UBR4: variants seen among roughly 807,000 people sequenced by gnomAD.
The protein encoded by UBR4 is E3 ubiquitin-protein ligase UBR4.
A neutral mutation model predicts 575.6 loss-of-function variants in UBR4; 124 were observed. The observed-to-expected ratio is 0.22, with a 90% CI of 0.19 to 0.25. UBR4 has a LOEUF of 0.25. UBR4 is among the 10% of genes least tolerant of loss of function. UBR4 has a pLI of 1.00. For synonymous variants in UBR4, 2,455 were observed against 2,473.7 expected (o/e 0.99, Z 0.22); for missense variants, 4,818 against 6,478.8 (o/e 0.74, Z 8.80).
At chr1:19,127,821 G>C (rs912286264) in intron 62 of UBR4, 82 bp from the exon 63 acceptor site, 14 of 1,108,420 alleles carry the variant, frequency 1.3e-5, no homozygotes, top group Non-Finnish European at 1.4e-5. Context: ...TTCAAGTCAA[G>C]CCCATCAGCC....
rs866513829 is a variant in UBR4, at chr1:19,185,212, G to A, written c.1825C>T (p.Pro609Ser). Residue 609 changes from proline (P) to serine (S), a missense_variant, in exon 15 of 106, where the codon CCG (proline) becomes TCG (serine). Physicochemically the swap from Pro to Ser is moderately conservative, Grantham distance 74 (BLOSUM62 -1). Transcript: ENST00000375254. ...ISPSKEKAAPPPPPPPPPLES... is the reference protein window; with the variant it reads ...ISPSKEKAAPSPPPPPPPLES... The stretch of plus-strand genomic sequence containing the variant: ...AGTGGAGGAGGTGGGGGAGGAGGCG[G>A]AGGTGCTGCTTTCTCTTTACTGGGA... 1 of 1,613,802 alleles carries A rather than the reference G, an allele frequency of 6.2e-7. No individual in the cohort carries two copies. Among genetic ancestry groups the A allele is most frequent in the Non-Finnish European group, 8.5e-7 (1 of 1,179,886 alleles).
rs867328346 is a variant in UBR4 at position 19,130,501 on chromosome 1, G to C, written c.8907-1427C>G. On this transcript the variant is annotated intron_variant, in intron 60 of 105. Coordinates refer to ENST00000375254, the MANE Select transcript of UBR4 (RefSeq NM_020765.3). ...ACTGCACTCCAGCCTGAACAACAGAGCAAGTCCCTGTCTCTAAAAATAGAA... is the reference window on the plus strand; with the variant it reads ...ACTGCACTCCAGCCTGAACAACAGACCAAGTCCCTGTCTCTAAAAATAGAA... Among the ~76,000 whole-genome samples, 3 of 152,170 alleles carry C rather than the reference G, an allele frequency of 2.0e-5. No individual in the cohort carries two copies. The South Asian group carries it at 6.2e-4, about 32-fold the overall frequency.
At chr1:19,124,869 C>T (rs1041467771) in intron 64 of UBR4, among the ~76,000 whole-genome samples, 179 bp from the exon 65 acceptor site, 8 of 152,096 alleles carry the variant, frequency 5.3e-5, no homozygotes, top group East Asian at 1.9e-4. Context: ...CAGGCTTCTG[C>T]GGCCAATTTA....
intron 13 of UBR4, 91 bp downstream of exon 13, chr1:19,187,073 G>C: frequency 1.2e-6 from 1 of 842,162 alleles, no homozygotes; most frequent in Non-Finnish European, 1.4e-6. Flanking sequence ...TTTCAAGAAA[G>C]TTTTATATAT....
intron 48 of UBR4, chr1:19,151,247 T>C (rs2085654496): frequency 3.0e-6 from 1 of 332,270 alleles, no homozygotes; most frequent in Admixed American, 4.7e-5. Flanking sequence ...AGAGTTTAGT[T>C]TTCAGTGGCA....
chr1:19,209,251 T>C (rs557094050), intron 1 of UBR4, among the ~76,000 whole-genome samples: 2 of 152,344 alleles, frequency 1.3e-5, no homozygotes, highest in African/African-American at 4.8e-5. Flanking sequence ...AAAGTCAGTC[T>C]GGCTTTAAAA....
At position 19,112,579 on chromosome 1, in the gene UBR4, G is replaced by T; in HGVS notation, c.11746C>A (p.Arg3916=). 6.2e-7 allele frequency: 1 copy of T among 1,614,192 alleles called. No homozygotes were observed. The highest frequency in any genetic ancestry group is 1.3e-5 in the African/African-American group (1 of 75,060). The change falls in exon 78 of 106, where the codon CGA becomes AGA. Residue 3916 remains arginine, a synonymous_variant. Transcript: ENST00000375254. The part of the protein sequence containing the change: ...IRELFDYNLR[R]GAAAMREEVR... ...TCCTCCCGCATGGCCGCAGCCCCTC[G>T]GCGAAGATTATAATCAAAGAGCTCC... is the stretch of plus-strand genomic sequence containing the variant.
At position 19,141,475 on chromosome 1, in the gene UBR4, G is replaced by A. The variant is rs778440764; in HGVS notation, c.8360C>T (p.Pro2787Leu). 2.5e-6 allele frequency: 4 copies of A among 1,613,682 alleles called. No individual in the cohort carries two copies. Among genetic ancestry groups the A allele is most frequent in the Non-Finnish European group, 2.5e-6 (3 of 1,179,744 alleles). ...TGCCAGCAGGGCCTCCAGGGGAGAG[G>A]GGTTGCCATTGTTGACATTTTCAGC... ...ETAENVNNGN[P>L]SPLEALLAGA... The change falls in exon 57 of 106, where the codon CCC (proline) becomes CTC (leucine). Residue 2787 changes from proline (P) to leucine (L), a missense_variant. Pro to Leu is a moderately conservative substitution (Grantham distance 98). Around this residue, in one of 29 missense-constraint regions of UBR4, gnomAD observed 129 missense variants for 198.4 expected, o/e 0.65. Coordinates refer to ENST00000375254, the MANE Select transcript of UBR4 (RefSeq NM_020765.3).
intron 18 of UBR4, 69 bp from the exon 19 acceptor site, chr1:19,177,812 C>G (rs12138892): frequency 0.11 from 163,408 of 1,506,272 alleles, 9,596 homozygotes; most frequent in Non-Finnish European, 0.13. Context: ...TAATGTCAAG[C>G]ACTAGAAGAG....
intron 53 of UBR4, among the ~76,000 whole-genome samples, chr1:19,145,157 G>A (rs1214059993): frequency 6.6e-6 from 1 of 152,158 alleles, no homozygotes; most frequent in African/African-American, 2.4e-5. Context: ...GAAATAAGTA[G>A]CTGTCCACTC....
At chr1:19,113,479 G>A (rs1326173882) in intron 77 of UBR4, 1 of 641,458 alleles carries the variant, frequency 1.6e-6, no homozygotes, top group African/African-American at 1.8e-5. Context: ...TCACCAGTAT[G>A]TTCAGTTATC....
chr1:19,109,085 T>C (rs1338673126), intron 81 of UBR4, among the ~76,000 whole-genome samples: 1 of 152,212 alleles, frequency 6.6e-6, no homozygotes, highest in Non-Finnish European at 1.5e-5. Flanking sequence ...AATGTCCAGC[T>C]TCCCCACATC....
chr1:19,143,178 G>A (rs1311148669), intron 55 of UBR4, among the ~76,000 whole-genome samples: 1 of 138,122 alleles, frequency 7.2e-6, no homozygotes, highest in Non-Finnish European at 1.6e-5. Flanking sequence ...AAGGAAGGAA[G>A]AAAAAAGAAA....
rs2086316996 is a variant in UBR4 at position 19,155,478 on chromosome 1, A to C, written c.6263T>G (p.Val2088Gly). The C allele has an allele frequency of 1.2e-6, 2 of 1,614,176 alleles. No individual in the cohort carries two copies. Among genetic ancestry groups the C allele is most frequent in the Non-Finnish European group, 1.7e-6 (2 of 1,180,010 alleles). ...ASSAQQGPFY[V>G]TNVLEINHED... ...ATGATTGATTTCCAACACATTAGTG[A>C]CATAGAAGGGTCCCTGCTGGGCACT... The change falls in exon 43 of 106, where the codon GTC (valine) becomes GGC (glycine). Residue 2088 changes from valine (V) to glycine (G), a missense_variant. Physicochemically the swap from Val to Gly is moderately radical, Grantham distance 109. Around this residue, in one of 29 missense-constraint regions of UBR4, gnomAD observed 461 missense variants for 606.9 expected, o/e 0.76. Transcript: ENST00000375254.
chr1:19,119,430 T>C, intron 70 of UBR4, 127 bp downstream of exon 70: 2 of 1,304,058 alleles, frequency 1.5e-6, no homozygotes, highest in East Asian at 2.3e-5. Context: ...AATGCAAAAC[T>C]AGATATATTT....
chr1:19,110,087 GC>G lies in UBR4; in HGVS notation c.12105+8del. 6.2e-7 allele frequency: 1 copy of G among 1,613,934 alleles called. No individual in the cohort carries two copies. Among genetic ancestry groups the G allele is most frequent in the Non-Finnish European group, 8.5e-7 (1 of 1,179,984 alleles). On this transcript the variant is annotated splice_region_variant and intron_variant, in intron 81 of 105. Coordinates refer to ENST00000375254, the MANE Select transcript of UBR4 (RefSeq NM_020765.3). The surrounding 1 kb of genome is among the most constrained non-coding windows in gnomAD (Gnocchi z 4.5). ...CCCTTCCTTGTTAGACCCCTGCTTG[GC>G]CCAGTACCTTGTTCTTCTTGCTAGT... is the stretch of plus-strand genomic sequence containing the variant.
intron 34 of UBR4, 88 bp from the exon 35 acceptor site, chr1:19,162,699 A>G: frequency 7.0e-7 from 1 of 1,431,394 alleles, no homozygotes; most frequent in Non-Finnish European, 9.3e-7. Context: ...ATAAAGCTCA[A>G]GATCAGAGAA....
intron 38 of UBR4, 102 bp downstream of exon 38, chr1:19,160,815 G>T: frequency 8.8e-7 from 1 of 1,138,458 alleles, no homozygotes; most frequent in Non-Finnish European, 1.3e-6. Flanking sequence ...GGGTAAAGGA[G>T]AAAATGAGTT....
At position 19,149,576 on chromosome 1, in the gene UBR4, G is replaced by A. The variant is rs1012751025; in HGVS notation, c.7431-950C>T. On this transcript the variant is annotated intron_variant, in intron 49 of 105. Transcript: ENST00000375254. Reference sequence around the variant, plus strand: ...GTCCGACATGGCCAACACCAAGAGTGCACTTACGATCTTCCATATACTCCA... The same window carrying A: ...GTCCGACATGGCCAACACCAAGAGTACACTTACGATCTTCCATATACTCCA... 2.0e-5 allele frequency among the ~76,000 whole-genome samples: 3 copies of A among 152,200 alleles called. No individual in the cohort carries two copies. In the South Asian group the frequency reaches 6.2e-4, roughly 32 times the overall value.
Sources: gnomAD v4.1 joint callset for allele counts (sites outside exome capture counted in the v4.1 genomes callset) on GRCh38, gnomAD v4.1.1 for gene constraint, gnomAD v4.1.1 regional missense constraint, Gnocchi (gnomAD v3.1) non-coding constraint, MANE v1.5 for transcripts, NCBI Gene and HGNC (gene_info 2026-07-23, HGNC 2026-07-21) for gene names.